GAB1: variants seen among roughly 807,000 people sequenced by gnomAD.
GAB1 encodes GRB2-associated-binding protein 1.
In GAB1, 19 loss-of-function variants were observed where a neutral mutation model predicts 66.5. The ratio of observed to expected loss-of-function variants is 0.29; its 90% CI spans 0.20 to 0.42. The LOEUF is 0.42. Ranked by LOEUF, GAB1 falls within the 10% of genes least tolerant of loss-of-function variation. The pLI is 1.00. For missense variants in GAB1, 732 were observed against 858.5 expected, an observed-to-expected ratio of 0.85 and a Z score of 1.84; for synonymous variants, 294 against 301.4, an observed-to-expected ratio of 0.98 and a Z score of 0.25.
At chr4:143,340,586 C>T (rs996379081) in intron 1 of GAB1, among the ~76,000 whole-genome samples, 38 of 152,262 alleles carry the variant, frequency 2.5e-4, no homozygotes, top group Non-Finnish European at 1.5e-4. Context: ...TCTCGGCTCA[C>T]TGCAACCTCT....
At chr4:143,404,179 T>G (rs1259219226) in intron 1 of GAB1, among the ~76,000 whole-genome samples, 4 of 152,256 alleles carry the variant, frequency 2.6e-5, no homozygotes, top group Non-Finnish European at 2.9e-5. Flanking sequence ...ATAATTATTT[T>G]GGATTGGATA....
chr4:143,430,478 G>A (rs542345010), intron 2 of GAB1, among the ~76,000 whole-genome samples: 8 of 152,122 alleles, frequency 5.3e-5, no homozygotes, highest in Non-Finnish European at 1.0e-4. Flanking sequence ...CTGTTTATCT[G>A]TCTTCTGGGT....
At chr4:143,368,763 T>G (rs1292822975) in intron 1 of GAB1, among the ~76,000 whole-genome samples, 1 of 152,232 alleles carries the variant, frequency 6.6e-6, no homozygotes, top group Non-Finnish European at 1.5e-5. Flanking sequence ...AAGAAATACT[T>G]GGTGCTTTCT....
At chr4:143,360,179 A>T (rs1729605573) in intron 1 of GAB1, among the ~76,000 whole-genome samples, 1 of 151,652 alleles carries the variant, frequency 6.6e-6, no homozygotes, top group East Asian at 1.9e-4. Flanking sequence ...TAGATTCACC[A>T]CTCTGTGTCC....
chr4:143,435,427 A>G lies in GAB1; in HGVS notation c.593+1711A>G, dbSNP rs114186452. Among the ~76,000 whole-genome samples, 1,346 of 152,334 alleles carry G rather than the reference A, an allele frequency of 8.8e-3. 26 individuals carry two copies. The highest frequency in any genetic ancestry group is 0.03 in the African/African-American group (1,246 of 41,576). ...ATATTTTATTTTACAAAAGTTTACAATTATTTTTCATTAGCAACTTTTTAG... is the reference window on the plus strand; with the variant it reads ...ATATTTTATTTTACAAAAGTTTACAGTTATTTTTCATTAGCAACTTTTTAG... On this transcript the variant is annotated intron_variant, in intron 3 of 9. Coordinates refer to ENST00000262994, the MANE Select transcript of GAB1 (RefSeq NM_002039.4).
intron 6 of GAB1, among the ~76,000 whole-genome samples, chr4:143,453,372 C>G (rs990256867): frequency 2.0e-5 from 3 of 151,812 alleles, no homozygotes; most frequent in Non-Finnish European, 4.4e-5. Flanking sequence ...TAGTACCCAC[C>G]CCAGAAAAAA....
At chr4:143,350,130 C>T (rs946725754) in intron 1 of GAB1, 21 of 958,304 alleles carry the variant, frequency 2.2e-5, no homozygotes, top group Middle Eastern at 3.2e-4. Flanking sequence ...GGTGTTTTCT[C>T]GGAAAAGAAG....
intron 1 of GAB1, among the ~76,000 whole-genome samples, chr4:143,345,878 T>C (rs1378635161): frequency 3.3e-5 from 5 of 152,232 alleles, no homozygotes; most frequent in African/African-American, 1.2e-4. Context: ...AGAACTCAAC[T>C]CATTTTGTTG....
chr4:143,338,589 A>G (rs769117324), intron 1 of GAB1, among the ~76,000 whole-genome samples: 2 of 152,206 alleles, frequency 1.3e-5, no homozygotes, highest in Non-Finnish European at 1.5e-5. Flanking sequence ...GAGATGTGTA[A>G]TGCCTCCAAA....
intron 6 of GAB1, among the ~76,000 whole-genome samples, chr4:143,446,507 C>T (rs1457589906): frequency 6.6e-6 from 1 of 151,522 alleles, no homozygotes; most frequent in African/African-American, 2.4e-5. Context: ...GAGATGGTAT[C>T]TCATTGTGGT....
chr4:143,410,706 T>A (rs1732337437), intron 1 of GAB1, among the ~76,000 whole-genome samples: 1 of 152,242 alleles, frequency 6.6e-6, no homozygotes, highest in Non-Finnish European at 1.5e-5. Context: ...TTTACACACC[T>A]CTATGCTTGC....
chr4:143,362,484 A>G (rs935212970), intron 1 of GAB1, among the ~76,000 whole-genome samples: 6 of 152,212 alleles, frequency 3.9e-5, no homozygotes, highest in African/African-American at 1.4e-4. Context: ...TGCTTATTAC[A>G]TGCTAAACAA....
chr4:143,340,765 G>T (rs1394112158), intron 1 of GAB1, among the ~76,000 whole-genome samples: 1 of 152,158 alleles, frequency 6.6e-6, no homozygotes, highest in Non-Finnish European at 1.5e-5. Context: ...GCCTCCCAAA[G>T]TCCTGGGATT....
chr4:143,377,221 T>C lies in GAB1; in HGVS notation c.73-38256T>C, dbSNP rs1022281845. Among the ~76,000 whole-genome samples, 6 of 152,244 alleles carry C rather than the reference T, an allele frequency of 3.9e-5. No individual in the cohort carries two copies. In the East Asian group the frequency reaches 1.2e-3, roughly 29 times the overall value. On this transcript the variant is annotated intron_variant, in intron 1 of 9. Transcript: ENST00000262994. ...TCCATTTTTAATAAGCCAAGTACTA[T>C]AAAAAGCATCAGAAGAACTTGTTAA...
At chr4:143,425,450 A>G (rs1363517462) in intron 2 of GAB1, 2 of 759,944 alleles carry the variant, frequency 2.6e-6, no homozygotes, top group African/African-American at 3.4e-5. Context: ...TCTCATAGAG[A>G]GAGGCATCTT....
chr4:143,404,932 A>G (rs1731964565), intron 1 of GAB1, among the ~76,000 whole-genome samples: 1 of 152,238 alleles, frequency 6.6e-6, no homozygotes, highest in Non-Finnish European at 1.5e-5. Context: ...ATTATCACAG[A>G]AAGTTCTGTT....
chr4:143,397,748 C>T (rs1175798772), intron 1 of GAB1, among the ~76,000 whole-genome samples: 1 of 152,210 alleles, frequency 6.6e-6, no homozygotes, highest in Non-Finnish European at 1.5e-5. Context: ...GAAATTCCCC[C>T]ACTTTCTTCC....
chr4:143,393,578 G>C (rs1338671212), intron 1 of GAB1, among the ~76,000 whole-genome samples: 1 of 152,156 alleles, frequency 6.6e-6, no homozygotes, highest in African/African-American at 2.4e-5. Flanking sequence ...TACTTAATGA[G>C]TATTCAATAA....
At chr4:143,447,878 G>A (rs1734652542) in intron 6 of GAB1, among the ~76,000 whole-genome samples, 1 of 152,158 alleles carries the variant, frequency 6.6e-6, no homozygotes, top group Non-Finnish European at 1.5e-5. Context: ...TTTTCAAAGG[G>A]AATGCTTCCA....
Sources: allele counts gnomAD v4.1 joint callset (sites outside exome capture counted in the v4.1 genomes callset), GRCh38; gene constraint gnomAD v4.1.1; transcripts MANE v1.5; gene names NCBI Gene and HGNC (gene_info 2026-07-23, HGNC 2026-07-21).